Variants in TPTE2 observed in about 807,000 individuals in gnomAD.
The protein encoded by TPTE2 is phosphatidylinositol 3,4,5-trisphosphate 3-phosphatase TPTE2.
Under a neutral mutation model 78.6 loss-of-function variants are expected in TPTE2, and 53 were observed. The ratio of observed to expected loss-of-function variants is 0.67; its 90% CI spans 0.54 to 0.85. TPTE2 has a LOEUF of 0.85. TPTE2 is among the 40% of genes least tolerant of loss of function. TPTE2 has a pLI of 0.00. For synonymous variants in TPTE2, 175 were observed against 206.2 expected, an observed-to-expected ratio of 0.85 and a Z score of 1.30; for missense variants, 461 against 623.0, an observed-to-expected ratio of 0.74 and a Z score of 2.77.
chr13:19,482,277 A>G (rs1445589008), intron 4 of TPTE2, among the ~76,000 whole-genome samples: 2 of 152,164 alleles, frequency 1.3e-5, no homozygotes, highest in Non-Finnish European at 2.9e-5. Flanking sequence ...AAGCTAGAAG[A>G]ACATTTATTT....
At chr13:19,517,875 C>G (rs924298744) in intron 1 of TPTE2, among the ~76,000 whole-genome samples, 1 of 152,094 alleles carries the variant, frequency 6.6e-6, no homozygotes, top group African/African-American at 2.4e-5. Context: ...GGAGAATGTA[C>G]CAAAATCAAA....
intron 6 of TPTE2, among the ~76,000 whole-genome samples, chr13:19,470,937 G>A (rs1163869223): frequency 6.9e-6 from 1 of 144,060 alleles, no homozygotes; most frequent in Admixed American, 7.0e-5. Context: ...TTGAGATGGA[G>A]TCTTGCTCTG....
At chr13:19,519,076 A>G (rs913624055) in intron 1 of TPTE2, among the ~76,000 whole-genome samples, 2 of 152,204 alleles carry the variant, frequency 1.3e-5, no homozygotes, top group African/African-American at 2.4e-5. Flanking sequence ...TCTCATGATG[A>G]AGGCTGAAGA....
At chr13:19,461,369 TG>T (rs1180923727) in intron 10 of TPTE2, among the ~76,000 whole-genome samples, 1 of 152,096 alleles carries the variant, frequency 6.6e-6, no homozygotes, top group Non-Finnish European at 1.5e-5. Flanking sequence ...CAATGTGTAA[TG>T]ATCAAATCAG....
At chr13:19,437,807 A>G (rs1368471816) in intron 14 of TPTE2, among the ~76,000 whole-genome samples, 2 of 152,100 alleles carry the variant, frequency 1.3e-5, no homozygotes, top group Non-Finnish European at 2.9e-5. Context: ...AAAATATTGC[A>G]TTAAAATTAT....
At chr13:19,506,769 T>C (rs1419980767), upstream of TPTE2, among the ~76,000 whole-genome samples, 1 of 152,166 alleles carries the variant, frequency 6.6e-6, no homozygotes, top group East Asian at 1.9e-4. Flanking sequence ...AGATTTCTAG[T>C]CTCTAGGACT....
chr13:19,493,300 G>A (rs528791790), intron 2 of TPTE2, 148 bp downstream of exon 5: 81 of 726,738 alleles, frequency 1.1e-4, no homozygotes, highest in Middle Eastern at 3.6e-4. Context: ...GTTTGTGTAC[G>A]CGTGTTGAAG....
At chr13:19,459,991 C>T (rs1340975740) in intron 10 of TPTE2, among the ~76,000 whole-genome samples, 6 of 152,178 alleles carry the variant, frequency 3.9e-5, no homozygotes, top group South Asian at 2.1e-4. Context: ...TTGTGAGGTG[C>T]CATGGAAATG....
intron 14 of TPTE2, among the ~76,000 whole-genome samples, chr13:19,436,813 C>T (rs1324071862): frequency 6.6e-6 from 1 of 152,058 alleles, no homozygotes; most frequent in Non-Finnish European, 1.5e-5. Context: ...CTGGAAACAC[C>T]ATAGAAAGCA....
chr13:19,427,952 TAACTC>T (rs1323531372), intron 17 of TPTE2, among the ~76,000 whole-genome samples: 1 of 152,194 alleles, frequency 6.6e-6, no homozygotes, highest in African/African-American at 2.4e-5. Context: ...GAATGGTACA[TAACTC>T]AATCTGTATG....
At chr13:19,436,058 C>T (rs1283277208) in intron 15 of TPTE2, among the ~76,000 whole-genome samples, 168 bp downstream of exon 18, 3 of 152,076 alleles carry the variant, frequency 2.0e-5, no homozygotes, top group Non-Finnish European at 4.4e-5. Context: ...GTGGGCAGCA[C>T]CTGAAGTGTG....
intron 10 of TPTE2, among the ~76,000 whole-genome samples, chr13:19,461,144 G>A (rs900388775): frequency 8.5e-5 from 13 of 152,134 alleles, no homozygotes; most frequent in East Asian, 5.8e-4. Context: ...TTTTGTTGCC[G>A]CTCCTGGGAC....
At chr13:19,485,707 G>A (rs1880626231) in intron 3 of TPTE2, among the ~76,000 whole-genome samples, 1 of 151,920 alleles carries the variant, frequency 6.6e-6, no homozygotes, top group Admixed American at 6.6e-5. Flanking sequence ...AAATCCTGTA[G>A]GCTTTTTTCA....
chr13:19,475,314 C>G (rs146260838), intron 5 of TPTE2, among the ~76,000 whole-genome samples: 44 of 152,024 alleles, frequency 2.9e-4, no homozygotes, highest in Admixed American at 8.5e-4. Context: ...CAACCTATGC[C>G]TCCTCGGTCC....
chr13:19,430,646 C>A, intron 16 of TPTE2, 99 bp from the exon 20 acceptor site: 2 of 791,586 alleles, frequency 2.5e-6, no homozygotes, highest in Non-Finnish European at 4.1e-6. Context: ...AAAAAATTAT[C>A]CAAGCTAACA....
intron 10 of TPTE2, among the ~76,000 whole-genome samples, chr13:19,460,329 C>T (rs1878808214): frequency 6.6e-6 from 1 of 152,222 alleles, no homozygotes; most frequent in African/African-American, 2.4e-5. Flanking sequence ...ATGCCGCCCC[C>T]GGCTGGGCCA....
intron 1 of TPTE2, among the ~76,000 whole-genome samples, chr13:19,514,764 C>A (rs1679556042): frequency 6.6e-6 from 1 of 151,964 alleles, no homozygotes; most frequent in Non-Finnish European, 1.5e-5. Context: ...TCAAGCATAG[C>A]CTTAATTATG....
Position 19,458,960 on chromosome 13 carries a change from G to A in TPTE2, c.741+5496C>T, listed in dbSNP as rs183221241. 2.0e-5 allele frequency among the ~76,000 whole-genome samples: 3 copies of A among 152,188 alleles called. No individual in the cohort carries two copies. The East Asian group carries it at 5.8e-4, about 29-fold the overall frequency. Reference sequence around the variant, plus strand: ...CCATAATGGGATTGCTGGGTCTGATGGTATTTCTGCCTCTAGGTCTTTGAG... The same window carrying A: ...CCATAATGGGATTGCTGGGTCTGATAGTATTTCTGCCTCTAGGTCTTTGAG... On this transcript the variant is annotated intron_variant, in intron 10 of 19. Transcript: ENST00000400230.
Position 19,493,458 on chromosome 13 carries a change from C to T in TPTE2, c.55G>A (p.Ala19Thr), listed in dbSNP as rs780052314. 6 of 1,613,790 alleles carry T rather than the reference C, an allele frequency of 3.7e-6. No individual in the cohort carries two copies. The Admixed American group carries it at 1.0e-4, about 27-fold the overall frequency. ...CTATTTATTACTTACCTTTCTTTCG[C>T]AGGTGCCTCCTCGGTTGTTCCTTTA... Residue 19 changes from alanine to threonine, a missense_variant, in exon 2 of 20, where the codon GCG (alanine) becomes ACG (threonine). By Grantham distance (58) the Ala-to-Thr change is moderately conservative. Transcript: ENST00000400230.
Sources: allele counts gnomAD v4.1 joint callset (sites outside exome capture counted in the v4.1 genomes callset), GRCh38; gene constraint gnomAD v4.1.1; transcripts MANE v1.5; gene names NCBI Gene and HGNC (gene_info 2026-07-23, HGNC 2026-07-21).